Variants in CENPS observed in about 807,000 individuals in gnomAD.
The protein encoded by CENPS is FANCM associated histone fold protein 1.
A neutral mutation model predicts 17.9 loss-of-function variants in CENPS; 16 were observed. The observed-to-expected ratio is 0.90, with a 90% CI of 0.61 to 1.36. The LOEUF is 1.36. Among genes scored for constraint, CENPS ranks in the 40% most tolerant of loss-of-function variants. CENPS has a pLI of 0.00. For synonymous variants in CENPS, 49 were observed against 55.8 expected, an observed-to-expected ratio of 0.88 and a Z score of 0.54; for missense variants, 160 against 158.6, an observed-to-expected ratio of 1.01 and a Z score of -0.05.
intron 1 of CENPS, among the ~76,000 whole-genome samples, chr1:10,433,571 A>G (rs1640018013): frequency 6.6e-6 from 1 of 152,254 alleles, no homozygotes; most frequent in African/African-American, 2.4e-5. Context: ...GGCAGGCATC[A>G]GTCTGACCTG....
chr1:10,431,416 G>C (rs1382278655), intron 1 of CENPS: 1 of 1,535,204 alleles, frequency 6.5e-7, no homozygotes, highest in Non-Finnish European at 8.7e-7. Flanking sequence ...AGAATGCCCA[G>C]ATGCCCGTCA....
chr1:10,438,177 C>G (rs536764832), intron 3 of CENPS, among the ~76,000 whole-genome samples: 38 of 152,218 alleles, frequency 2.5e-4, no homozygotes, highest in Non-Finnish European at 5.1e-4. Context: ...CGGAGTCTCA[C>G]TCTGTCACCC....
At chr1:10,432,827 C>T (rs1036691079) in intron 1 of CENPS, among the ~76,000 whole-genome samples, 8 of 152,088 alleles carry the variant, frequency 5.3e-5, no homozygotes, top group South Asian at 2.1e-4. Flanking sequence ...CCCAGGAGTT[C>T]GAGGCTGTAG....
At chr1:10,431,393 AAGAACACGGTAC>A in intron 1 of CENPS, 1 of 1,535,344 alleles carries the variant, frequency 6.5e-7, no homozygotes, top group Non-Finnish European at 8.7e-7. Flanking sequence ...GAAAAGTTGC[AAGAACACGGTAC>A]AGAATGCCCA....
rs749121078 is a variant in CENPS at position 10,442,417 on chromosome 1, G to T, written c.*12G>T. ...AAAGTGAGAATTAAAGTCCCTCGCC[G>T]CTTGGAAAGTGCAGCCTTCTACAGG... On this transcript the variant is annotated 3_prime_UTR_variant, in exon 5 of 5. Coordinates refer to ENST00000309048, the MANE Select transcript of CENPS (RefSeq NM_199294.3). 2.6e-6 allele frequency: 4 copies of T among 1,561,416 alleles called. No homozygotes were observed. The highest frequency in any genetic ancestry group is 3.4e-6 in the Non-Finnish European group (4 of 1,163,200).
intron 1 of CENPS, chr1:10,431,187 C>A: frequency 6.7e-7 from 1 of 1,485,916 alleles, no homozygotes; most frequent in Non-Finnish European, 8.9e-7. Flanking sequence ...TCATCAGCGC[C>A]GGGCATATGG....
intron 4 of CENPS, among the ~76,000 whole-genome samples, chr1:10,441,189 TC>T (rs1352360449): frequency 6.6e-6 from 1 of 152,154 alleles, no homozygotes; most frequent in African/African-American, 2.4e-5. Context: ...ACTTTTTTTT[TC>T]TTTTTTTAAA....
At chr1:10,438,855 G>A (rs1640288527) in intron 3 of CENPS, among the ~76,000 whole-genome samples, 1 of 152,142 alleles carries the variant, frequency 6.6e-6, no homozygotes, top group South Asian at 2.1e-4. Flanking sequence ...TGTACTTTAA[G>A]AAGAATGTAA....
intron 3 of CENPS, among the ~76,000 whole-genome samples, chr1:10,437,132 T>C (rs1488047046): frequency 6.6e-6 from 1 of 152,120 alleles, no homozygotes; most frequent in Non-Finnish European, 1.5e-5. Flanking sequence ...ATTGTTTCAT[T>C]AGGACAAATT....
chr1:10,438,197 T>C (rs1640255657), intron 3 of CENPS, among the ~76,000 whole-genome samples: 1 of 152,008 alleles, frequency 6.6e-6, no homozygotes, highest in African/African-American at 2.4e-5. Flanking sequence ...CAGGCTGGAG[T>C]GCAGTGGTGT....
chr1:10,431,750 A>C (rs1639925022), intron 1 of CENPS, among the ~76,000 whole-genome samples: 1 of 150,926 alleles, frequency 6.6e-6, no homozygotes, highest in African/African-American at 2.4e-5. Context: ...GCTACTCGGG[A>C]CGTTGAGGCA....
intron 3 of CENPS, among the ~76,000 whole-genome samples, chr1:10,436,600 A>G (rs923575726): frequency 2.0e-5 from 3 of 151,484 alleles, no homozygotes; most frequent in South Asian, 2.1e-4. Context: ...CAGCTACTCA[A>G]AAGGTTGAGG....
Position 10,437,445 on chromosome 1 carries a change from G to GTT in CENPS, c.209+2764_209+2765dup, listed in dbSNP as rs371622694. ...GGAGGGAAACTTGAGAGCAGGGGCT[G>GTT]TTTTTTTTTTGTTTTTTGTTTTTTG... On this transcript the variant is annotated intron_variant, in intron 3 of 4. Transcript: ENST00000309048. Among the ~76,000 whole-genome samples the GTT allele has an allele frequency of 1.4e-4, 19 of 132,808 alleles. No homozygotes were observed. The East Asian group carries it at 1.8e-3, about 12-fold the overall frequency. 87.1% of individuals were successfully genotyped at this position (132,808 alleles called of 152,430 possible).
chr1:10,438,468 G>C (rs1280481458), intron 3 of CENPS, among the ~76,000 whole-genome samples: 2 of 152,130 alleles, frequency 1.3e-5, no homozygotes, highest in African/African-American at 2.4e-5. Flanking sequence ...TCTTTATTTA[G>C]CTTTGAAATC....
rs553739349 is a variant in CENPS at position 10,430,461 on chromosome 1, C to G, written c.-57C>G. On this transcript the variant is annotated 5_prime_UTR_variant, in exon 1 of 5. Transcript: ENST00000309048. Reference sequence around the variant, plus strand: ...CCGCGGCGGGAAAATCCGACCTGGCCGCGCACCACCGCCCCTTCTCGGCCC... The same window carrying G: ...CCGCGGCGGGAAAATCCGACCTGGCGGCGCACCACCGCCCCTTCTCGGCCC... 3.3e-6 allele frequency: 5 copies of G among 1,525,768 alleles called. No homozygotes were observed. The South Asian group carries it at 3.7e-5, about 11-fold the overall frequency. 94.5% of individuals were successfully genotyped at this position (1,525,768 alleles called of 1,614,324 possible). A position where few individuals can be genotyped will look rare whatever the true frequency, so the allele number is the denominator to read the frequency against.
rs1309350127 is a variant in CENPS at position 10,442,683 on chromosome 1, G to A, written c.*278G>A. ...GTATATATTAGAAATTACATCTGTT[G>A]TAATTAAAATTGTGTGAGCAATTAA... is the stretch of plus-strand genomic sequence containing the variant. On this transcript the variant is annotated 3_prime_UTR_variant, in exon 5 of 5. Coordinates refer to ENST00000309048, the MANE Select transcript of CENPS (RefSeq NM_199294.3). The A allele has an allele frequency of 3.1e-6, 1 of 325,572 alleles. No individual in the cohort carries two copies. Among genetic ancestry groups the A allele is most frequent in the Non-Finnish European group, 5.1e-6 (1 of 196,526 alleles). 20.2% of individuals were successfully genotyped at this position (325,572 alleles called of 1,614,324 possible). A position where few individuals can be genotyped will look rare whatever the true frequency, so the allele number is the denominator to read the frequency against.
chr1:10,434,400 G>A (rs1640056577), intron 2 of CENPS, among the ~76,000 whole-genome samples: 1 of 152,136 alleles, frequency 6.6e-6, no homozygotes, highest in Non-Finnish European at 1.5e-5. Flanking sequence ...AGAAACCAAA[G>A]GCATAGTCAC....
At chr1:10,432,110 G>A (rs1257653832) in intron 1 of CENPS, among the ~76,000 whole-genome samples, 2 of 151,082 alleles carry the variant, frequency 1.3e-5, no homozygotes, top group African/African-American at 4.9e-5. Flanking sequence ...TTTTTGAAAC[G>A]TAGTTTCACT....
chr1:10,441,313 C>CTTTTTTTT (rs747986112), intron 4 of CENPS, among the ~76,000 whole-genome samples: 16 of 109,568 alleles, frequency 1.5e-4, no homozygotes, highest in East Asian at 2.7e-4. Context: ...TGTGCCACAA[C>CTTTTTTTT]TTTTTTTTTT....
Sources: gnomAD v4.1 joint callset for allele counts (sites outside exome capture counted in the v4.1 genomes callset) on GRCh38, gnomAD v4.1.1 for gene constraint, MANE v1.5 for transcripts, NCBI Gene and HGNC (gene_info 2026-07-23, HGNC 2026-07-21) for gene names.